Variants in CTNNA3 observed in about 807,000 individuals in gnomAD.
CTNNA3 encodes the protein catenin alpha-3.
Under a neutral mutation model 95.7 loss-of-function variants are expected in CTNNA3, and 76 were observed. The ratio of observed to expected loss-of-function variants is 0.79; its 90% CI spans 0.66 to 0.96. The LOEUF is 0.96. Ranked by LOEUF, CTNNA3 falls within the 40% of genes least tolerant of loss-of-function variation. The pLI, the probability that CTNNA3 is intolerant of heterozygous loss-of-function variation, is 0.00. For missense variants in CTNNA3, 1,191 were observed against 1,089.8 expected, an observed-to-expected ratio of 1.09 and a Z score of -1.31; for synonymous variants, 431 against 374.4, an observed-to-expected ratio of 1.15 and a Z score of -1.74.
intron 10 of CTNNA3, among the ~76,000 whole-genome samples, chr10:66,521,877 G>A (rs1022078049): frequency 1.3e-5 from 2 of 152,132 alleles, no homozygotes; most frequent in Non-Finnish European, 2.9e-5. Flanking sequence ...AGCAATTCAG[G>A]ATCTTGGTCC....
At chr10:66,476,105 G>A (rs185890996) in intron 11 of CTNNA3, among the ~76,000 whole-genome samples, 2 of 152,062 alleles carry the variant, frequency 1.3e-5, no homozygotes, top group African/African-American at 4.8e-5. Flanking sequence ...AGTAAACCAA[G>A]GCAGGAACAG....
chr10:66,626,970 C>A (rs1844958147), intron 9 of CTNNA3, among the ~76,000 whole-genome samples: 1 of 151,964 alleles, frequency 6.6e-6, no homozygotes, highest in African/African-American at 2.4e-5. Context: ...ACACACATGA[C>A]AACACACAGA....
At chr10:66,704,026 T>A (rs4745916) in intron 9 of CTNNA3, among the ~76,000 whole-genome samples, 20,445 of 152,162 alleles carry the variant, frequency 0.13, 1,666 homozygotes, top group Middle Eastern at 0.18. Context: ...ATTCATTTCC[T>A]CATTATAGAT....
At chr10:65,935,081 T>C (rs749929184) in intron 17 of CTNNA3, among the ~76,000 whole-genome samples, 1 of 152,166 alleles carries the variant, frequency 6.6e-6, no homozygotes, top group Admixed American at 6.6e-5. Flanking sequence ...CAGTGCAATT[T>C]GAGTTATTCC....
intron 5 of CTNNA3, among the ~76,000 whole-genome samples, chr10:67,513,131 A>ATAT (rs1308553033): frequency 6.6e-6 from 1 of 152,182 alleles, no homozygotes; most frequent in African/African-American, 2.4e-5. Context: ...CTGCAGTTTG[A>ATAT]TATGAAACCC....
chr10:66,889,308 C>A (rs993301205), intron 7 of CTNNA3, among the ~76,000 whole-genome samples: 2 of 152,152 alleles, frequency 1.3e-5, no homozygotes, highest in Non-Finnish European at 2.9e-5. Flanking sequence ...AGATACATGT[C>A]ATTGTAAATT....
intron 13 of CTNNA3, among the ~76,000 whole-genome samples, chr10:66,119,558 A>T (rs1210329910): frequency 6.6e-6 from 1 of 152,074 alleles, no homozygotes; most frequent in Non-Finnish European, 1.5e-5. Flanking sequence ...GATCCCTCCT[A>T]GGGGATTAGG....
At chr10:66,489,928 A>AC (rs1279212643) in intron 11 of CTNNA3, among the ~76,000 whole-genome samples, 1 of 152,218 alleles carries the variant, frequency 6.6e-6, no homozygotes, top group Non-Finnish European at 1.5e-5. Flanking sequence ...AATGCCTGCA[A>AC]CACTCTGGGC....
chr10:66,116,582 T>C (rs1441966911), intron 13 of CTNNA3, among the ~76,000 whole-genome samples: 1 of 152,200 alleles, frequency 6.6e-6, no homozygotes. Context: ...ACAATATTTA[T>C]GGATCTAAAA....
intron 11 of CTNNA3, among the ~76,000 whole-genome samples, chr10:66,514,144 A>AT (rs1359795595): frequency 1.3e-5 from 2 of 152,186 alleles, no homozygotes; most frequent in South Asian, 2.1e-4. Context: ...TAATTTGAAG[A>AT]TTTTTTAAAA....
intron 13 of CTNNA3, among the ~76,000 whole-genome samples, chr10:66,264,570 A>G (rs2091099918): frequency 6.6e-6 from 1 of 152,014 alleles, no homozygotes; most frequent in Non-Finnish European, 1.5e-5. Flanking sequence ...TATATTTGAG[A>G]TATTTTATAT....
intron 7 of CTNNA3, among the ~76,000 whole-genome samples, chr10:66,923,872 A>AT (rs551897711): frequency 2.0e-5 from 3 of 152,172 alleles, no homozygotes; most frequent in South Asian, 4.1e-4. Flanking sequence ...ATAAAAACAT[A>AT]TTTTTTTCAA....
intron 13 of CTNNA3, among the ~76,000 whole-genome samples, chr10:66,120,869 G>A (rs1184639314): frequency 6.6e-6 from 1 of 152,132 alleles, no homozygotes; most frequent in Non-Finnish European, 1.5e-5. Flanking sequence ...GGAGAGATCT[G>A]AAATGACACA....
intron 9 of CTNNA3, among the ~76,000 whole-genome samples, chr10:66,725,825 G>T (rs998833870): frequency 6.6e-6 from 1 of 152,030 alleles, no homozygotes; most frequent in African/African-American, 2.4e-5. Context: ...TTCAGATATT[G>T]TAACACAATG....
chr10:66,860,475 A>C (rs1245101104), intron 7 of CTNNA3, among the ~76,000 whole-genome samples: 4 of 152,194 alleles, frequency 2.6e-5, no homozygotes, highest in African/African-American at 9.6e-5. Context: ...AAAATATAAC[A>C]AACAGATGGC....
intron 12 of CTNNA3, among the ~76,000 whole-genome samples, chr10:66,332,848 A>T (rs1321782228): frequency 3.3e-5 from 5 of 152,002 alleles, no homozygotes; most frequent in African/African-American, 4.8e-5. Flanking sequence ...CTGTGAATCC[A>T]TCTGGTCCTG....
At chr10:66,895,495 C>T (rs991262025) in intron 7 of CTNNA3, among the ~76,000 whole-genome samples, 7 of 152,132 alleles carry the variant, frequency 4.6e-5, no homozygotes, top group Non-Finnish European at 7.4e-5. Context: ...TGTTCTTTCA[C>T]ATATTATCTT....
chr10:67,011,116 T>C (rs1490385357), intron 7 of CTNNA3, among the ~76,000 whole-genome samples: 1 of 152,022 alleles, frequency 6.6e-6, no homozygotes, highest in Non-Finnish European at 1.5e-5. Flanking sequence ...GATCACGAAG[T>C]CAAGGGGTCA....
rs1158580075 is a variant in CTNNA3, at chr10:67,176,996, A to G, written c.1047+3321T>C. ...TTTTGATTACAGAGCTGAAAGACAG[A>G]AATTTGTGTGGTTTAAGACACTAAG... On this transcript the variant is annotated intron_variant, in intron 7 of 17. Transcript: ENST00000433211. 1.4e-5 allele frequency: 7 copies of G among 492,302 alleles called. 1 individual carries two copies. The Admixed American group carries it at 1.5e-4, about 10-fold the overall frequency. The allele number at this position is 492,302 out of a possible 1,614,324, so 30.5% of individuals were successfully genotyped here.
Sources: gnomAD v4.1 joint callset for allele counts (sites outside exome capture counted in the v4.1 genomes callset) on GRCh38, gnomAD v4.1.1 for gene constraint, MANE v1.5 for transcripts, NCBI Gene and HGNC (gene_info 2026-07-23, HGNC 2026-07-21) for gene names.